Variants in NPR1 observed in about 807,000 individuals in gnomAD.
The protein encoded by NPR1 is natriuretic peptide receptor 1, also known as atrial natriuretic peptide receptor 1.
A neutral mutation model predicts 116.9 loss-of-function variants in NPR1; 57 were observed. The ratio of observed to expected loss-of-function variants is 0.49; its 90% CI spans 0.39 to 0.61. NPR1 has a LOEUF of 0.61. Ranked by LOEUF, NPR1 falls within the 20% of genes least tolerant of loss-of-function variation. NPR1 has a pLI of 0.00. For missense variants in NPR1, 1,096 were observed against 1,409.8 expected, an observed-to-expected ratio of 0.78 and a Z score of 3.56; for synonymous variants, 555 against 601.6, an observed-to-expected ratio of 0.92 and a Z score of 1.13.
intron 15 of NPR1, among the ~76,000 whole-genome samples, chr1:153,688,541 T>G (rs2101737597): frequency 6.6e-6 from 1 of 152,254 alleles, no homozygotes; most frequent in African/African-American, 2.4e-5. Flanking sequence ...TCCTGCCCTG[T>G]AGGCTCTTGG....
intron 12 of NPR1, 49 bp from the exon 13 acceptor site, chr1:153,687,151 G>A (rs751733555): frequency 2.5e-6 from 4 of 1,613,770 alleles, no homozygotes; most frequent in Non-Finnish European, 3.4e-6. Context: ...CCTGGCCACG[G>A]GTGTAGGTCC....
At chr1:153,687,841 G>A (rs1396425265) in intron 14 of NPR1, 52 bp downstream of exon 14, 3 of 1,526,250 alleles carry the variant, frequency 2.0e-6, no homozygotes, top group East Asian at 2.3e-5. Flanking sequence ...ACGAACCCCA[G>A]CCCCAGGGAG....
chr1:153,684,184 T>C (rs892268867), intron 7 of NPR1, among the ~76,000 whole-genome samples: 1 of 151,840 alleles, frequency 6.6e-6, no homozygotes, highest in African/African-American at 2.4e-5. Context: ...CTGAGGAGGG[T>C]GAGCCCTGGT....
chr1:153,684,843 G>A, intron 7 of NPR1, 121 bp from the exon 8 acceptor site: 1 of 1,330,456 alleles, frequency 7.5e-7, no homozygotes, highest in Non-Finnish European at 1.0e-6. Context: ...CCAGAGGATA[G>A]AATTCCCCCT....
At position 153,685,864 on chromosome 1, in the gene NPR1, A is replaced by C. The variant is rs1669913137; in HGVS notation, c.1664A>C (p.Lys555Thr). Residue 555 changes from lysine (K) to threonine (T), a missense_variant, in exon 9 of 22, where the codon AAG becomes ACG. Coordinates refer to ENST00000368680, the MANE Select transcript of NPR1 (RefSeq NM_000906.4). ...GAGGGCCAGTTCCAAGTCTTTGCCA[A>C]GACAGCATATTATAAGGTGGGCCTG... Reference protein sequence around the residue: ...TTEGQFQVFAKTAYYKGNLVA... With the variant: ...TTEGQFQVFATTAYYKGNLVA... 1.2e-6 allele frequency: 2 copies of C among 1,614,080 alleles called. No homozygotes were observed. Among genetic ancestry groups the C allele is most frequent in the South Asian group, 1.1e-5 (1 of 91,088 alleles).
intron 3 of NPR1, 124 bp downstream of exon 3, chr1:153,681,417 T>C (rs143643044): frequency 1.5e-5 from 10 of 678,566 alleles, no homozygotes; most frequent in African/African-American, 5.4e-5. Context: ...CATTGTTCCA[T>C]GTTTCTCGTG....
chr1:153,679,441 T>G lies in NPR1; in HGVS notation c.333T>G (p.Ala111=), dbSNP rs1371966861. The G allele has an allele frequency of 5.2e-6, 8 of 1,543,114 alleles. No homozygotes were observed. The Admixed American group carries it at 1.5e-4, about 30-fold the overall frequency. ...ACCTCAAGTGGGAGCACAACCCCGCTGTGTTCCTGGGCCCCGGCTGCGTGT... is the reference window on the plus strand; with the variant it reads ...ACCTCAAGTGGGAGCACAACCCCGCGGTGTTCCTGGGCCCCGGCTGCGTGT... ...AVDLKWEHNP[A]VFLGPGCVYA... is the part of the protein sequence containing the mutation. Residue 111 remains alanine (A), a synonymous_variant, in exon 1 of 22, where the codon GCT becomes GCG. Transcript: ENST00000368680. The surrounding 1 kb of genome is among the most constrained non-coding windows in gnomAD (Gnocchi z 4.2).
In NPR1 at chr1:153,686,753, G is replaced by C. The variant is rs1669941294; in HGVS notation, c.1863+3G>C. ...ACTGTCCCCGTGGGAGCCTGCAGGT[G>C]AGGGGGACAAGGGGTGTCAAGAAAC... On this transcript the variant is annotated splice_donor_region_variant and intron_variant, in intron 11 of 21. Coordinates refer to ENST00000368680, the MANE Select transcript of NPR1 (RefSeq NM_000906.4). The C allele has an allele frequency of 6.2e-7, 1 of 1,612,702 alleles. No homozygotes were observed. The highest frequency in any genetic ancestry group is 1.3e-5 in the African/African-American group (1 of 75,016).
Position 153,693,639 on chromosome 1 carries a change from A to C in NPR1, c.*225A>C, listed in dbSNP as rs1670166144. 1.3e-5 allele frequency: 6 copies of C among 477,500 alleles called. No individual in the cohort carries two copies. The East Asian group carries it at 2.0e-4, about 16-fold the overall frequency. The allele number at this position is 477,500 out of a possible 1,614,324, so 29.6% of individuals were successfully genotyped here. A position where few individuals can be genotyped will look rare whatever the true frequency, so the allele number is the denominator to read the frequency against. On this transcript the variant is annotated 3_prime_UTR_variant, in exon 22 of 22. Coordinates refer to ENST00000368680, the MANE Select transcript of NPR1 (RefSeq NM_000906.4). ...GGCTGAGCCAAGCCCACGGCCATGC[A>C]CAGGGACACTCACACAGGCACACGC...
rs961204987 is a variant in NPR1 at position 153,689,954 on chromosome 1, T to G, written c.2906T>G (p.Leu969Arg). ...ATCCGCCACCGGCCCCAGGAGCAGC[T>G]GCGCTTGCGCATTGGCATCCACACA... ...FRIRHRPQEQ[L>R]RLRIGIHTGP... The change falls in exon 19 of 22, where the codon CTG becomes CGG. Residue 969 changes from leucine to arginine, a missense_variant. Transcript: ENST00000368680. This position sits in a 1 kb window ranked among gnomAD's most constrained non-coding sequence, Gnocchi z 5.1. 1.2e-5 allele frequency: 19 copies of G among 1,540,502 alleles called. No homozygotes were observed. Among genetic ancestry groups the G allele is most frequent in the Non-Finnish European group, 1.6e-5 (18 of 1,139,670 alleles).
intron 1 of NPR1, among the ~76,000 whole-genome samples, 190 bp downstream of exon 1, chr1:153,680,019 C>T (rs1351470602): frequency 6.6e-6 from 1 of 152,064 alleles, no homozygotes; most frequent in Non-Finnish European, 1.5e-5. Flanking sequence ...CCGCCACCCC[C>T]ACCACGTCTC....
Position 153,693,963 on chromosome 1 carries a change from CAG to C in NPR1, c.*553_*554del. 2.5e-6 allele frequency: 1 copy of C among 395,914 alleles called. No homozygotes were observed. Among genetic ancestry groups the C allele is most frequent in the Non-Finnish European group, 4.4e-6 (1 of 224,926 alleles). 24.5% of individuals were successfully genotyped at this position (395,914 alleles called of 1,614,324 possible). On this transcript the variant is annotated 3_prime_UTR_variant, in exon 22 of 22. Transcript: ENST00000368680. Reference sequence around the variant, plus strand: ...CTGTATGCCTTGCTTCTACCATGAGCAGAGACAATTAAAATCTTTATTCCAGT... The same window carrying C: ...CTGTATGCCTTGCTTCTACCATGAGCAGACAATTAAAATCTTTATTCCAGT...
chr1:153,692,701 C>T (rs936479757), intron 20 of NPR1, among the ~76,000 whole-genome samples: 5 of 152,004 alleles, frequency 3.3e-5, no homozygotes, highest in East Asian at 1.9e-4. Context: ...TTAGTAGAGA[C>T]GGGGTTTCGC....
Position 153,689,871 on chromosome 1 carries a change from C to G in NPR1, c.2823C>G (p.His941Gln). The change falls in exon 19 of 22, where the codon CAC becomes CAG. Residue 941 changes from histidine (H) to glutamine (Q), a missense_variant. His to Gln is a conservative substitution (Grantham distance 24, BLOSUM62 0). Coordinates refer to ENST00000368680, the MANE Select transcript of NPR1 (RefSeq NM_000906.4). This position sits in a 1 kb window ranked among gnomAD's most constrained non-coding sequence, Gnocchi z 5.1. ...TCCCTGTGCGGAACGGGCGGCTACA[C>G]GCCTGCGAGGTAGCCCGCATGGCCC... ...SGLPVRNGRL[H>Q]ACEVARMALA... 6.3e-7 allele frequency: 1 copy of G among 1,590,930 alleles called. No homozygotes were observed. The highest frequency in any genetic ancestry group is 8.6e-7 in the Non-Finnish European group (1 of 1,166,816).
At position 153,679,299 on chromosome 1, in the gene NPR1, C is replaced by T; in HGVS notation, c.191C>T (p.Ala64Val). Residue 64 changes from alanine to valine, a missense_variant, in exon 1 of 22, where the codon GCC (alanine) becomes GTC (valine). By Grantham distance (64) the Ala-to-Val change is moderately conservative (BLOSUM62 0). Coordinates refer to ENST00000368680, the MANE Select transcript of NPR1 (RefSeq NM_000906.4). The surrounding 1 kb of genome is among the most constrained non-coding windows in gnomAD (Gnocchi z 4.2). ...GGACCCGCCGTGGAGCTGGCCCTGG[C>T]CCAGGTGAAGGCGCGCCCCGACTTG... is the stretch of plus-strand genomic sequence containing the variant. ...RVGPAVELAL[A>V]QVKARPDLLP... The T allele has an allele frequency of 6.5e-7, 1 of 1,531,624 alleles. No individual in the cohort carries two copies. The highest frequency in any genetic ancestry group is 2.5e-5 in the East Asian group (1 of 40,068). 94.9% of individuals were successfully genotyped at this position (1,531,624 alleles called of 1,614,324 possible).
At chr1:153,687,534 C>T in intron 13 of NPR1, 100 bp from the exon 14 acceptor site, 1 of 1,487,244 alleles carries the variant, frequency 6.7e-7, no homozygotes, top group South Asian at 1.3e-5. Flanking sequence ...CTCTAACACT[C>T]TGTGATGCAT....
chr1:153,693,643 G>A lies in NPR1; in HGVS notation c.*229G>A, dbSNP rs1670166473. On this transcript the variant is annotated 3_prime_UTR_variant, in exon 22 of 22. Transcript: ENST00000368680. ...GAGCCAAGCCCACGGCCATGCACAGGGACACTCACACAGGCACACGCACCT... is the reference window on the plus strand; with the variant it reads ...GAGCCAAGCCCACGGCCATGCACAGAGACACTCACACAGGCACACGCACCT... The A allele has an allele frequency of 4.9e-5, 23 of 467,736 alleles. No individual in the cohort carries two copies. The South Asian group carries it at 1.1e-3, about 22-fold the overall frequency. 29.0% of individuals were successfully genotyped at this position (467,736 alleles called of 1,614,324 possible).
Position 153,681,169 on chromosome 1 carries a change from C to A in NPR1, c.922-11C>A, listed in dbSNP as rs867045604. ...TCCCAACTCTCTGCTCTCCACTGAC[C>A]CCTTTCTCAGGCTGCCAAAATCATT... On this transcript the variant is annotated splice_polypyrimidine_tract_variant and intron_variant, in intron 2 of 21. Coordinates refer to ENST00000368680, the MANE Select transcript of NPR1 (RefSeq NM_000906.4). The A allele has an allele frequency of 5.9e-6, 9 of 1,535,640 alleles. No homozygotes were observed. The Middle Eastern group carries it at 8.4e-4, about 143-fold the overall frequency.
At chr1:153,683,629 T>C in intron 6 of NPR1, 111 bp from the exon 7 acceptor site, 1 of 1,545,680 alleles carries the variant, frequency 6.5e-7, no homozygotes, top group Non-Finnish European at 8.9e-7. Context: ...GACTCCTGCC[T>C]TTTTCTTCCC....
Sources: gnomAD v4.1 joint callset for allele counts (sites outside exome capture counted in the v4.1 genomes callset) on GRCh38, gnomAD v4.1.1 for gene constraint, Gnocchi (gnomAD v3.1) non-coding constraint, MANE v1.5 for transcripts, NCBI Gene and HGNC (gene_info 2026-07-23, HGNC 2026-07-21) for gene names.